Variants in PTPN9 observed in about 807,000 individuals in gnomAD.
The protein encoded by PTPN9 is protein tyrosine phosphatase non-receptor type 9.
A neutral mutation model predicts 69.8 loss-of-function variants in PTPN9; 26 were observed. That is an observed-to-expected ratio of 0.37 (90% CI 0.27 to 0.52). The LOEUF is 0.52. Among genes scored for constraint, PTPN9 ranks in the 20% least tolerant of loss-of-function variants. PTPN9 has a pLI of 0.91. For synonymous variants in PTPN9, 274 were observed against 272.5 expected (o/e 1.01, Z -0.05); for missense variants, 549 against 740.3 (o/e 0.74, Z 3.00).
chr15:75,535,745 CCTT>C (rs1295053939), intron 1 of PTPN9, among the ~76,000 whole-genome samples: 1 of 152,178 alleles, frequency 6.6e-6, no homozygotes, highest in East Asian at 1.9e-4. Flanking sequence ...CCCCCTCTCT[CCTT>C]CATTGTGATT....
In PTPN9 at chr15:75,479,932, A is replaced by G; in HGVS notation, c.1063-18T>C. 6.4e-7 allele frequency: 1 copy of G among 1,554,846 alleles called. No homozygotes were observed. Among genetic ancestry groups the G allele is most frequent in the Non-Finnish European group, 8.8e-7 (1 of 1,132,512 alleles). Reference sequence around the variant, plus strand: ...TAATCTGTCTAATGATAAAAAGGAGACATCACTATAGCTACACAGAATACA... The same window carrying G: ...TAATCTGTCTAATGATAAAAAGGAGGCATCACTATAGCTACACAGAATACA... On this transcript the variant is annotated intron_variant, in intron 8 of 12. Coordinates refer to ENST00000618819, the MANE Select transcript of PTPN9 (RefSeq NM_002833.4).
intron 1 of PTPN9, among the ~76,000 whole-genome samples, chr15:75,543,547 AAT>A (rs1261723485): frequency 6.6e-6 from 1 of 152,170 alleles, no homozygotes; most frequent in Non-Finnish European, 1.5e-5. Context: ...CTTATTGGGT[AAT>A]ATATATGTCA....
intron 2 of PTPN9, among the ~76,000 whole-genome samples, chr15:75,525,479 C>A (rs1056255386): frequency 1.5e-4 from 22 of 151,356 alleles, no homozygotes; most frequent in Non-Finnish European, 1.5e-5. Flanking sequence ...CAGGCATGAG[C>A]CACCGCGCCC....
At position 75,528,695 on chromosome 15, in the gene PTPN9, A is replaced by ATT. The variant is rs770826556; in HGVS notation, c.64-1436_64-1435dup. Among the ~76,000 whole-genome samples the ATT allele has an allele frequency of 6.5e-3, 818 of 125,422 alleles. 19 individuals carry two copies. The highest frequency in any genetic ancestry group is 0.019 in the African/African-American group (633 of 33,208). The allele number at this position is 125,422 out of a possible 152,430, so 82.3% of individuals were successfully genotyped here. A position where few individuals can be genotyped will look rare whatever the true frequency, so the allele number is the denominator to read the frequency against. The stretch of plus-strand genomic sequence containing the variant: ...AGGCATGAGCCACTGCCCTCAGCAC[A>ATT]TTTTTTTTTTTTTTTTTTTTGAGAC... On this transcript the variant is annotated intron_variant, in intron 1 of 12. Transcript: ENST00000618819.
At chr15:75,547,647 A>G (rs750366484) in intron 1 of PTPN9, among the ~76,000 whole-genome samples, 21 of 151,090 alleles carry the variant, frequency 1.4e-4, no homozygotes, top group Non-Finnish European at 2.5e-4. Context: ...ACAATAGCTA[A>G]TATTTACTGG....
intron 2 of PTPN9, among the ~76,000 whole-genome samples, chr15:75,524,650 C>T (rs1226533854): frequency 6.6e-5 from 10 of 151,712 alleles, no homozygotes; most frequent in African/African-American, 1.7e-4. Flanking sequence ...TGGTGGTGCG[C>T]GCCCATAATC....
chr15:75,539,368 C>T (rs1265717553), intron 1 of PTPN9, among the ~76,000 whole-genome samples: 1 of 149,934 alleles, frequency 6.7e-6, no homozygotes, highest in Non-Finnish European at 1.5e-5. Flanking sequence ...GGCTGGAGTG[C>T]AATCGCACAA....
chr15:75,525,665 C>G (rs950834360), intron 2 of PTPN9, among the ~76,000 whole-genome samples: 5 of 151,652 alleles, frequency 3.3e-5, no homozygotes, highest in Admixed American at 1.3e-4. Flanking sequence ...TGCCTGTAAT[C>G]CCAGTACTTT....
At chr15:75,530,728 T>A (rs1390983003) in intron 1 of PTPN9, among the ~76,000 whole-genome samples, 1 of 22,240 alleles carries the variant, frequency 4.5e-5, no homozygotes, top group African/African-American at 4.4e-4. Context: ...ATATATATAA[T>A]ATATATTATT....
At chr15:75,573,555 T>C (rs572574257) in intron 1 of PTPN9, among the ~76,000 whole-genome samples, 12 of 152,354 alleles carry the variant, frequency 7.9e-5, no homozygotes, top group Non-Finnish European at 1.2e-4. Context: ...AATCAAAGTA[T>C]ATATTGCCAT....
Position 75,468,753 on chromosome 15 carries a change from G to T in PTPN9, c.*16C>A. On this transcript the variant is annotated 3_prime_UTR_variant, in exon 13 of 13. Coordinates refer to ENST00000618819, the MANE Select transcript of PTPN9 (RefSeq NM_002833.4). The stretch of plus-strand genomic sequence containing the variant: ...TTAAGGAAGGCTGGCCAACAGGTAG[G>T]AGGTTCGTAGGAGAGTTACTGACTC... 2 of 1,610,548 alleles carry T rather than the reference G, an allele frequency of 1.2e-6. No individual in the cohort carries two copies. The highest frequency in any genetic ancestry group is 1.7e-6 in the Non-Finnish European group (2 of 1,177,960).
chr15:75,558,961 A>G (rs1431858088), intron 1 of PTPN9, among the ~76,000 whole-genome samples: 1 of 152,024 alleles, frequency 6.6e-6, no homozygotes, highest in African/African-American at 2.4e-5. Flanking sequence ...CCCGTCTGGG[A>G]AGTGAGGAGC....
chr15:75,496,238 C>A (rs149403324), intron 7 of PTPN9, among the ~76,000 whole-genome samples: 143 of 150,364 alleles, frequency 9.5e-4, no homozygotes, highest in African/African-American at 3.4e-3. Flanking sequence ...GATTTTGAGA[C>A]CAGCCTGGCC....
rs1422022327 is a variant in PTPN9, at chr15:75,464,294, A to AG, written c.*4474_*4475insC. The AG allele has an allele frequency of 2.1e-4, 30 of 144,812 alleles. No homozygotes were observed. Among genetic ancestry groups the AG allele is most frequent in the South Asian group, 6.5e-4 (3 of 4,624 alleles). 9.0% of individuals were successfully genotyped at this position (144,812 alleles called of 1,614,324 possible). On this transcript the variant is annotated 3_prime_UTR_variant, in exon 13 of 13. Coordinates refer to ENST00000618819, the MANE Select transcript of PTPN9 (RefSeq NM_002833.4). ...ATCCTGTCTCTAGAGAGAGAGAGAG[A>AG]AAAAAAAAAAAAGCTGGGTTCCTGC...
intron 1 of PTPN9, among the ~76,000 whole-genome samples, chr15:75,552,727 C>T (rs1347414529): frequency 1.3e-5 from 2 of 149,328 alleles, no homozygotes; most frequent in African/African-American, 2.5e-5. Flanking sequence ...TGGGACATAA[C>T]CCCACAGTAA....
At chr15:75,517,479 A>G in intron 4 of PTPN9, 115 bp from the exon 5 acceptor site, 1 of 702,852 alleles carries the variant, frequency 1.4e-6, no homozygotes, top group Non-Finnish European at 2.4e-6. Flanking sequence ...GGATCAAAAC[A>G]ACTGCCTGAC....
chr15:75,477,880 G>T (rs979447673), intron 9 of PTPN9, among the ~76,000 whole-genome samples: 1 of 122,384 alleles, frequency 8.2e-6, no homozygotes, highest in Admixed American at 1.1e-4. Flanking sequence ...TTCCTCTGTC[G>T]CCCAGGCTGG....
At chr15:75,540,324 G>T (rs1383985108) in intron 1 of PTPN9, among the ~76,000 whole-genome samples, 2 of 152,146 alleles carry the variant, frequency 1.3e-5, no homozygotes, top group Non-Finnish European at 2.9e-5. Context: ...ACTTTGGGAA[G>T]ACAAGGCAGG....
chr15:75,507,447 A>AAAACGC (rs2074825471), intron 6 of PTPN9, among the ~76,000 whole-genome samples: 2 of 58,446 alleles, frequency 3.4e-5, no homozygotes, highest in African/African-American at 2.4e-4. Context: ...ACTCTGTCGC[A>AAAACGC]AAAAAAAAAA....
Sources: allele counts gnomAD v4.1 joint callset (sites outside exome capture counted in the v4.1 genomes callset), GRCh38; gene constraint gnomAD v4.1.1; transcripts MANE v1.5; gene names NCBI Gene and HGNC (gene_info 2026-07-23, HGNC 2026-07-21).